The following TSHZ2 variants were observed in gnomAD, a reference collection of about 807,000 sequenced individuals.
The protein encoded by TSHZ2 is teashirt homolog 2.
A neutral mutation model predicts 74.4 loss-of-function variants in TSHZ2; 21 were observed. The observed-to-expected ratio is 0.28, with a 90% CI of 0.20 to 0.41. TSHZ2 has a LOEUF of 0.41. Among genes scored for constraint, TSHZ2 ranks in the 10% least tolerant of loss-of-function variants. TSHZ2 has a pLI of 1.00. For missense variants in TSHZ2, 1,244 were observed against 1,293.5 expected, an observed-to-expected ratio of 0.96 and a Z score of 0.59; for synonymous variants, 540 against 515.3, an observed-to-expected ratio of 1.05 and a Z score of -0.65.
At chr20:53,000,961 C>T (rs1982385689) in intron 1 of TSHZ2, among the ~76,000 whole-genome samples, 1 of 152,072 alleles carries the variant, frequency 6.6e-6, no homozygotes, top group South Asian at 2.1e-4. Context: ...ATGAGCAAAC[C>T]TCAGATGGAT....
chr20:53,311,859 A>G (rs116450578), intron 2 of TSHZ2, among the ~76,000 whole-genome samples: 2,614 of 152,256 alleles, frequency 0.017, 72 homozygotes, highest in African/African-American at 0.061. Context: ...AGGTGGGATG[A>G]TCACTTAAAC....
At chr20:53,280,397 A>C (rs768219702) in intron 2 of TSHZ2, among the ~76,000 whole-genome samples, 2 of 152,192 alleles carry the variant, frequency 1.3e-5, no homozygotes, top group Non-Finnish European at 2.9e-5. Context: ...CCCATGATAT[A>C]ATGTGGCAAA....
At position 53,113,446 on chromosome 20, in the gene TSHZ2, C is replaced by T. The variant is rs181551183; in HGVS notation, c.41-140053C>T. ...TTTATTGTAGTTTATCGCTGTTTAG[C>T]GTATAAAATGTTTATTTATCAACCA... On this transcript the variant is annotated intron_variant, in intron 1 of 2. Coordinates refer to ENST00000371497, the MANE Select transcript of TSHZ2 (RefSeq NM_173485.6). Among the ~76,000 whole-genome samples, 348 of 152,246 alleles carry T rather than the reference C, an allele frequency of 2.3e-3. 1 individual carries two copies. The highest frequency in any genetic ancestry group is 3.7e-3 in the Admixed American group (56 of 15,298).
At chr20:53,066,148 C>T (rs1028555935) in intron 1 of TSHZ2, among the ~76,000 whole-genome samples, 1 of 152,122 alleles carries the variant, frequency 6.6e-6, no homozygotes, top group Non-Finnish European at 1.5e-5. Flanking sequence ...GAAGGAATGG[C>T]GGCCTAGGGG....
rs377664450 is a variant in TSHZ2, at chr20:53,461,215, C to G, written c.*9-25929C>G. On this transcript the variant is annotated intron_variant, in intron 2 of 2. Transcript: ENST00000371497. ...GAGACTCCATGGGCGTAGGACCCTC[C>G]GAGCCAGGTGCGGGATATAATCTCC... Among the ~76,000 whole-genome samples, 877 of 151,096 alleles carry G rather than the reference C, an allele frequency of 5.8e-3. 10 individuals are homozygous for G. Among genetic ancestry groups the G allele is most frequent in the African/African-American group, 0.02 (817 of 41,230 alleles).
intron 1 of TSHZ2, among the ~76,000 whole-genome samples, chr20:53,005,602 T>A (rs1418920285): frequency 1.3e-5 from 2 of 152,216 alleles, no homozygotes; most frequent in Non-Finnish European, 2.9e-5. Context: ...AGAAGCTGAA[T>A]AAATTCACAC....
rs552783047 is a variant in TSHZ2, at chr20:53,467,669, A to G, written c.*9-19475A>G. On this transcript the variant is annotated intron_variant, in intron 2 of 2. Transcript: ENST00000371497. ...AATGGCAGAGCCAAACTATTAACAC[A>G]TATACCAAAGGAAAATGGAAAGAGA... Among the ~76,000 whole-genome samples, 4 of 152,342 alleles carry G rather than the reference A, an allele frequency of 2.6e-5. No individual in the cohort carries two copies. In the South Asian group the frequency reaches 8.3e-4, roughly 32 times the overall value.
At chr20:53,189,915 G>A (rs6126776) in intron 1 of TSHZ2, among the ~76,000 whole-genome samples, 1 of 150,412 alleles carries the variant, frequency 6.6e-6, no homozygotes, top group Admixed American at 6.6e-5. Flanking sequence ...GAAACCTCAT[G>A]TCTACGAAAA....
intron 2 of TSHZ2, among the ~76,000 whole-genome samples, chr20:53,427,509 G>A (rs1983697352): frequency 6.6e-6 from 1 of 152,112 alleles, no homozygotes; most frequent in African/African-American, 2.4e-5. Context: ...GAGCAGGCAG[G>A]TATACCTAGA....
At chr20:53,045,171 G>C (rs944022489) in intron 1 of TSHZ2, among the ~76,000 whole-genome samples, 8 of 152,174 alleles carry the variant, frequency 5.3e-5, no homozygotes, top group African/African-American at 1.2e-4. Context: ...CAGATGACTA[G>C]AGCAGCCACC....
intron 1 of TSHZ2, among the ~76,000 whole-genome samples, chr20:53,078,624 A>C (rs1258157943): frequency 6.6e-6 from 1 of 152,202 alleles, no homozygotes; most frequent in Non-Finnish European, 1.5e-5. Context: ...TTGGAGTAGA[A>C]TGAGGATGGA....
Position 53,494,753 on chromosome 20 carries a change from T to C in TSHZ2, c.*7618T>C, listed in dbSNP as rs1189217542. On this transcript the variant is annotated 3_prime_UTR_variant, in exon 3 of 3. Coordinates refer to ENST00000371497, the MANE Select transcript of TSHZ2 (RefSeq NM_173485.6). ...AAACAACACATTCGCCAAGGTTATA[T>C]GGAGCCCCTGATTTCCATCAAAAAG... is the stretch of plus-strand genomic sequence containing the variant. The C allele has an allele frequency of 2.0e-5, 3 of 151,956 alleles. No individual in the cohort carries two copies. The highest frequency in any genetic ancestry group is 4.4e-5 in the Non-Finnish European group (3 of 67,994). 9.4% of individuals were successfully genotyped at this position (151,956 alleles called of 1,614,324 possible). A position where few individuals can be genotyped will look rare whatever the true frequency, so the allele number is the denominator to read the frequency against.
chr20:53,089,650 G>T (rs1985815511), intron 1 of TSHZ2, among the ~76,000 whole-genome samples: 1 of 152,172 alleles, frequency 6.6e-6, no homozygotes, highest in South Asian at 2.1e-4. Context: ...AGTAATAATA[G>T]CTATGAAGAT....
At chr20:53,135,036 A>AC (rs57646845) in intron 1 of TSHZ2, among the ~76,000 whole-genome samples, 8 of 149,276 alleles carry the variant, frequency 5.4e-5, no homozygotes, top group South Asian at 2.1e-4. Flanking sequence ...ACACACACAC[A>AC]AGGGTTGTGG....
intron 1 of TSHZ2, among the ~76,000 whole-genome samples, chr20:52,981,233 T>C (rs1215239018): frequency 1.3e-5 from 2 of 152,174 alleles, no homozygotes; most frequent in South Asian, 2.1e-4. Context: ...CCACGCTAGT[T>C]ATTTAGCCCC....
chr20:53,142,360 C>T (rs1453130943), intron 1 of TSHZ2, among the ~76,000 whole-genome samples: 3 of 152,170 alleles, frequency 2.0e-5, no homozygotes, highest in East Asian at 1.9e-4. Context: ...CAGAAGGCCA[C>T]GTGCTTCTCT....
intron 2 of TSHZ2, among the ~76,000 whole-genome samples, chr20:53,282,878 G>T (rs1206633017): frequency 1.3e-5 from 2 of 152,294 alleles, no homozygotes; most frequent in African/African-American, 4.8e-5. Context: ...CATTCTCACT[G>T]TGCCACTCCC....
chr20:53,254,091 G>T lies in TSHZ2; in HGVS notation c.633G>T (p.Gly211=). The change falls in exon 2 of 3, where the codon GGG becomes GGT. Residue 211 remains glycine, a synonymous_variant. Coordinates refer to ENST00000371497, the MANE Select transcript of TSHZ2 (RefSeq NM_173485.6). ...AGATGTGCGGGACTGTGTTCACAGG[G>T]GCCAGCAGATTCCGATGCCGACAGT... is the stretch of plus-strand genomic sequence containing the variant. ...SSKMCGTVFT[G]ASRFRCRQCS... The T allele has an allele frequency of 6.2e-7, 1 of 1,614,088 alleles. No individual in the cohort carries two copies. The highest frequency in any genetic ancestry group is 8.5e-7 in the Non-Finnish European group (1 of 1,180,030).
intron 2 of TSHZ2, among the ~76,000 whole-genome samples, chr20:53,424,282 A>C (rs563324379): frequency 4.6e-5 from 7 of 152,198 alleles, no homozygotes; most frequent in Non-Finnish European, 8.8e-5. Flanking sequence ...GATATTGCCA[A>C]ATGTTCCCAG....
Sources: gnomAD v4.1 joint callset for allele counts (sites outside exome capture counted in the v4.1 genomes callset) on GRCh38, gnomAD v4.1.1 for gene constraint, MANE v1.5 for transcripts, NCBI Gene and HGNC (gene_info 2026-07-23, HGNC 2026-07-21) for gene names.